The following DOCK5 variants were observed in gnomAD, a reference collection of about 807,000 sequenced individuals.
DOCK5 encodes dedicator of cytokinesis protein 5.
DOCK5 carries 142 observed loss-of-function variants against 251.8 expected under a neutral mutation model. That is an observed-to-expected ratio of 0.56 (90% CI 0.49 to 0.65). The LOEUF (loss-of-function observed/expected upper bound fraction) is 0.65. Ranked by LOEUF, DOCK5 falls within the 30% of genes least tolerant of loss-of-function variation. The probability of loss-of-function intolerance (pLI) is 0.00; values close to 1 mark genes in which losing one functional copy is unlikely to be tolerated. For synonymous variants in DOCK5, 842 were observed against 835.5 expected, an observed-to-expected ratio of 1.01 and a Z score of -0.13; for missense variants, 2,111 against 2,312.3, an observed-to-expected ratio of 0.91 and a Z score of 1.79.
At chr8:25,302,233 C>T in intron 9 of DOCK5, 92 bp from the exon 10 acceptor site, 1 of 1,452,912 alleles carries the variant, frequency 6.9e-7, no homozygotes, top group East Asian at 2.4e-5. Flanking sequence ...AAGGTCGGAA[C>T]AGGATTTTGT....
intron 43 of DOCK5, among the ~76,000 whole-genome samples, 174 bp from the exon 44 acceptor site, chr8:25,392,622 C>T (rs1801281055): frequency 6.6e-6 from 1 of 152,152 alleles, no homozygotes; most frequent in Non-Finnish European, 1.5e-5. Context: ...TTTAAACATC[C>T]AGAATCCTTG....
intron 27 of DOCK5, among the ~76,000 whole-genome samples, chr8:25,356,497 C>A (rs942456455): frequency 6.6e-6 from 1 of 151,798 alleles, no homozygotes; most frequent in African/African-American, 2.4e-5. Context: ...AAGACCCTGT[C>A]TTAAAAAAAA....
rs755065586 is a variant in DOCK5, at chr8:25,358,965, G to T, written c.2853G>T (p.Gly951=). 2 of 1,613,586 alleles carry T rather than the reference G, an allele frequency of 1.2e-6. No individual in the cohort carries two copies. Among genetic ancestry groups the T allele is most frequent in the Middle Eastern group, 1.6e-4 (1 of 6,084 alleles). ...TTGTGCTTTCCTTTTCCTTCCAGGG[G>T]AGTTTTGTGGCTTGCATGATTGCCC... ...IGMNRQSPHI[G]SFVACMIALL... Residue 951 remains glycine, a splice_region_variant and synonymous_variant, in exon 28 of 52, where the codon GGG becomes GGT. Transcript: ENST00000276440.
chr8:25,315,194 C>T (rs1293490829), intron 13 of DOCK5, among the ~76,000 whole-genome samples: 1 of 134,766 alleles, frequency 7.4e-6, no homozygotes. Flanking sequence ...GTCTCTGCAG[C>T]CTCATCTCAC....
At chr8:25,244,295 G>A (rs1803037911) in intron 2 of DOCK5, among the ~76,000 whole-genome samples, 1 of 152,208 alleles carries the variant, frequency 6.6e-6, no homozygotes, top group Non-Finnish European at 1.5e-5. Flanking sequence ...CTGTTAGTGG[G>A]CTGCGGGGCA....
intron 1 of DOCK5, among the ~76,000 whole-genome samples, chr8:25,196,214 G>A (rs1801722082): frequency 6.6e-6 from 1 of 152,184 alleles, no homozygotes; most frequent in Non-Finnish European, 1.5e-5. Context: ...GAGGCTTTAT[G>A]GAGGAAGGGG....
chr8:25,264,236 C>G (rs1416748000), intron 2 of DOCK5, among the ~76,000 whole-genome samples: 2 of 151,332 alleles, frequency 1.3e-5, no homozygotes, highest in East Asian at 3.9e-4. Flanking sequence ...GTGGCATGCA[C>G]CTGTATTCCC....
chr8:25,345,226 G>A (rs1800336345), intron 25 of DOCK5, among the ~76,000 whole-genome samples: 1 of 151,398 alleles, frequency 6.6e-6, no homozygotes, highest in South Asian at 2.1e-4. Context: ...ATTTTGCTAA[G>A]TTCCCACCTT....
intron 2 of DOCK5, among the ~76,000 whole-genome samples, chr8:25,265,362 C>T (rs1424193424): frequency 6.6e-6 from 1 of 151,916 alleles, no homozygotes; most frequent in Non-Finnish European, 1.5e-5. Flanking sequence ...TGAACTCTGG[C>T]AATGACATTT....
chr8:25,224,459 C>T (rs954582573), intron 1 of DOCK5, among the ~76,000 whole-genome samples: 1 of 152,194 alleles, frequency 6.6e-6, no homozygotes, highest in Non-Finnish European at 1.5e-5. Context: ...CAAATATCTC[C>T]TTTTCACTAT....
intron 38 of DOCK5, among the ~76,000 whole-genome samples, chr8:25,379,849 TAC>T (rs10569921): frequency 0.02 from 2,870 of 146,752 alleles, 93 homozygotes; most frequent in African/African-American, 0.065. Flanking sequence ...TCACTACACC[TAC>T]ACACACACAC....
At chr8:25,272,163 G>C (rs1445851392) in intron 3 of DOCK5, among the ~76,000 whole-genome samples, 1 of 152,076 alleles carries the variant, frequency 6.6e-6, no homozygotes, top group African/African-American at 2.4e-5. Context: ...CGTGTAGCTG[G>C]GACCATTGGC....
chr8:25,190,785 T>A (rs1264570151), intron 1 of DOCK5, among the ~76,000 whole-genome samples: 1 of 110,474 alleles, frequency 9.1e-6, no homozygotes, highest in African/African-American at 3.1e-5. Flanking sequence ...GGTTTTTTTT[T>A]TTTTTTTTTT....
At chr8:25,368,162 C>G in intron 31 of DOCK5, 30 bp from the exon 32 acceptor site, 1 of 1,564,564 alleles carries the variant, frequency 6.4e-7, no homozygotes, top group Non-Finnish European at 8.8e-7. Flanking sequence ...TACTGAAAAT[C>G]CTCCTTCTAG....
chr8:25,375,251 T>G (rs1800944023), intron 37 of DOCK5: 1 of 165,554 alleles, frequency 6.0e-6, no homozygotes, highest in Admixed American at 5.8e-5. Flanking sequence ...ACCATGTTAC[T>G]AATAACATTC....
intron 1 of DOCK5, among the ~76,000 whole-genome samples, chr8:25,188,155 A>G (rs1485814136): frequency 6.6e-6 from 1 of 152,148 alleles, no homozygotes; most frequent in Non-Finnish European, 1.5e-5. Flanking sequence ...TAGGCATAAC[A>G]TCTCATTCAC....
At chr8:25,384,231 C>T (rs964388165) in intron 40 of DOCK5, among the ~76,000 whole-genome samples, 2 of 152,146 alleles carry the variant, frequency 1.3e-5, no homozygotes, top group African/African-American at 4.8e-5. Context: ...CTAGGCAACG[C>T]TTCCTATCAG....
intron 26 of DOCK5, among the ~76,000 whole-genome samples, chr8:25,351,099 C>G (rs963502570): frequency 1.3e-5 from 2 of 151,736 alleles, no homozygotes; most frequent in African/African-American, 4.9e-5. Flanking sequence ...GCTCTGTCAC[C>G]CAGGCTGGAG....
intron 30 of DOCK5, 52 bp from the exon 31 acceptor site, chr8:25,366,817 CT>C: frequency 1.4e-6 from 2 of 1,411,594 alleles, no homozygotes; most frequent in Non-Finnish European, 2.0e-6. Context: ...TATTATGGCC[CT>C]TATTAATGTT....
Sources: allele counts gnomAD v4.1 joint callset (sites outside exome capture counted in the v4.1 genomes callset), GRCh38; gene constraint gnomAD v4.1.1; transcripts MANE v1.5; gene names NCBI Gene and HGNC (gene_info 2026-07-23, HGNC 2026-07-21).